Variants in LRRC4C observed in about 807,000 individuals in gnomAD.
LRRC4C encodes the protein leucine rich repeat containing 4C.
A neutral mutation model predicts 33.6 loss-of-function variants in LRRC4C; 5 were observed. The ratio of observed to expected loss-of-function variants is 0.15; its 90% CI spans 0.08 to 0.31. The LOEUF is 0.31. LRRC4C is among the 10% of genes least tolerant of loss of function. The pLI is 1.00. For synonymous variants in LRRC4C, 329 were observed against 302.0 expected (o/e 1.09, Z -0.93); for missense variants, 560 against 796.7 (o/e 0.70, Z 3.58).
At chr11:41,066,347 C>T (rs1938235872) in intron 1 of LRRC4C, among the ~76,000 whole-genome samples, 1 of 151,962 alleles carries the variant, frequency 6.6e-6, no homozygotes, top group Non-Finnish European at 1.5e-5. Context: ...TTAAATAAGG[C>T]ATGCAGACCA....
chr11:41,182,278 T>C (rs1407370353), intron 1 of LRRC4C, among the ~76,000 whole-genome samples: 1 of 152,188 alleles, frequency 6.6e-6, no homozygotes, highest in Non-Finnish European at 1.5e-5. Context: ...TGTTCACTCA[T>C]GTGATTGTAC....
At chr11:41,067,911 A>T (rs944433435) in intron 1 of LRRC4C, among the ~76,000 whole-genome samples, 5 of 152,160 alleles carry the variant, frequency 3.3e-5, no homozygotes, top group African/African-American at 1.2e-4. Flanking sequence ...AAGCAGTTTT[A>T]AGAAGGATAT....
intron 2 of LRRC4C, among the ~76,000 whole-genome samples, chr11:40,833,377 A>G (rs1952506581): frequency 6.6e-6 from 1 of 152,164 alleles, no homozygotes; most frequent in Non-Finnish European, 1.5e-5. Context: ...CATTTAGTTA[A>G]AAAAAGGTAA....
rs559115795 is a variant in LRRC4C at position 40,566,359 on chromosome 11, C to T, written c.-270+81783G>A. 3.0e-4 allele frequency among the ~76,000 whole-genome samples: 45 copies of T among 151,890 alleles called. 1 individual carries two copies. The highest frequency in any genetic ancestry group is 3.4e-3 in the Middle Eastern group (1 of 292). ...GAAAGTCAAAATTTTGAACGATGAACGTTGAGTACCATATTTCTACTCTAT... is the reference window on the plus strand; with the variant it reads ...GAAAGTCAAAATTTTGAACGATGAATGTTGAGTACCATATTTCTACTCTAT... On this transcript the variant is annotated intron_variant, in intron 3 of 6. Transcript: ENST00000528697.
intron 2 of LRRC4C, among the ~76,000 whole-genome samples, chr11:40,771,586 G>T (rs1949759710): frequency 6.6e-6 from 1 of 152,034 alleles, no homozygotes; most frequent in South Asian, 2.1e-4. Context: ...ATATTATCAG[G>T]CTGCAAATTT....
intron 3 of LRRC4C, among the ~76,000 whole-genome samples, chr11:40,385,559 G>A (rs1177314832): frequency 6.6e-6 from 1 of 152,026 alleles, no homozygotes; most frequent in Non-Finnish European, 1.5e-5. Flanking sequence ...GTGGGATGGA[G>A]GTAAGAGTTG....
intron 1 of LRRC4C, among the ~76,000 whole-genome samples, chr11:41,169,918 A>T (rs975808128): frequency 3.3e-5 from 5 of 152,192 alleles, no homozygotes; most frequent in Non-Finnish European, 7.3e-5. Context: ...ATTCCTTTAC[A>T]TGGCTAAAAT....
At chr11:41,239,556 A>G (rs147446933) in intron 1 of LRRC4C, among the ~76,000 whole-genome samples, 1 of 152,032 alleles carries the variant, frequency 6.6e-6, no homozygotes, top group Non-Finnish European at 1.5e-5. Flanking sequence ...AGGTAGATGC[A>G]GGTCTCTTTT....
chr11:40,257,982 G>A (rs1273732287), intron 4 of LRRC4C, among the ~76,000 whole-genome samples: 1 of 152,132 alleles, frequency 6.6e-6, no homozygotes, highest in Non-Finnish European at 1.5e-5. Context: ...AACATCCACA[G>A]GGTATATGCC....
intron 5 of LRRC4C, among the ~76,000 whole-genome samples, chr11:40,151,016 C>A (rs763413362): frequency 7.9e-5 from 12 of 152,142 alleles, no homozygotes; most frequent in Non-Finnish European, 1.6e-4. Flanking sequence ...CACTGCCATG[C>A]TCCATATGCC....
At chr11:40,804,933 G>A (rs1951182930) in intron 2 of LRRC4C, among the ~76,000 whole-genome samples, 1 of 152,126 alleles carries the variant, frequency 6.6e-6, no homozygotes. Flanking sequence ...TTAGATATTG[G>A]AATACATTGA....
Position 41,260,618 on chromosome 11 carries a change from C to CAT in LRRC4C, c.-496+198811_-496+198812dup, listed in dbSNP as rs1308816302. Among the ~76,000 whole-genome samples the CAT allele has an allele frequency of 6.3e-4, 95 of 150,782 alleles. 1 individual carries two copies. Among genetic ancestry groups the CAT allele is most frequent in the East Asian group, 7.8e-4 (4 of 5,128 alleles). ...ATAGATGTATATATATGTGTACACA[C>CAT]ATATATATATATAAATAAAATAGTT... On this transcript the variant is annotated intron_variant, in intron 1 of 6. Transcript: ENST00000528697.
rs184528343 is a variant in LRRC4C at position 40,901,865 on chromosome 11, T to C, written c.-407+31770A>G. ...ATGCTTGTATTATGGTGTTAATTTA[T>C]ATATGAATATATAACGTTTAATCTG... On this transcript the variant is annotated intron_variant, in intron 2 of 6. Transcript: ENST00000528697. 4.6e-3 allele frequency among the ~76,000 whole-genome samples: 695 copies of C among 152,140 alleles called. 6 individuals are homozygous for C. The highest frequency in any genetic ancestry group is 0.016 in the African/African-American group (653 of 41,524).
chr11:40,639,779 A>C (rs1941996703), intron 3 of LRRC4C, among the ~76,000 whole-genome samples: 1 of 152,210 alleles, frequency 6.6e-6, no homozygotes, highest in Admixed American at 6.5e-5. Flanking sequence ...TAAAGATGTA[A>C]AATCTAAGAA....
intron 3 of LRRC4C, among the ~76,000 whole-genome samples, chr11:40,407,225 A>G (rs2137599863): frequency 6.6e-6 from 1 of 152,182 alleles, no homozygotes; most frequent in South Asian, 2.1e-4. Flanking sequence ...CAAAGTCATA[A>G]ATGTTCAGGC....
chr11:40,653,813 G>A (rs1942945508), intron 2 of LRRC4C, among the ~76,000 whole-genome samples: 1 of 152,182 alleles, frequency 6.6e-6, no homozygotes, highest in African/African-American at 2.4e-5. Flanking sequence ...CTTCATGGCA[G>A]CCCCACCCAT....
At chr11:40,203,927 A>G (rs1862954455) in intron 5 of LRRC4C, among the ~76,000 whole-genome samples, 1 of 152,050 alleles carries the variant, frequency 6.6e-6, no homozygotes, top group African/African-American at 2.4e-5. Context: ...ATCTTATTTT[A>G]TTTACTGTTT....
chr11:41,157,862 G>T (rs1283095093), intron 1 of LRRC4C, among the ~76,000 whole-genome samples: 1 of 151,906 alleles, frequency 6.6e-6, no homozygotes, highest in Non-Finnish European at 1.5e-5. Context: ...GGAAAATGAG[G>T]TATCCATCCC....
intron 2 of LRRC4C, among the ~76,000 whole-genome samples, chr11:40,660,025 C>A (rs952447944): frequency 6.6e-6 from 1 of 152,056 alleles, no homozygotes; most frequent in African/African-American, 2.4e-5. Context: ...AGGGCTGTGA[C>A]ACCCTCTCTG....
Sources: allele counts gnomAD v4.1 joint callset (sites outside exome capture counted in the v4.1 genomes callset), GRCh38; gene constraint gnomAD v4.1.1; transcripts MANE v1.5; gene names NCBI Gene and HGNC (gene_info 2026-07-23, HGNC 2026-07-21).